Variants in GOLPH3 observed in about 807,000 individuals in gnomAD.
GOLPH3 encodes the protein coat protein GPP34.
GOLPH3 carries 14 observed loss-of-function variants against 28.5 expected under a neutral mutation model. The ratio of observed to expected loss-of-function variants is 0.49; its 90% CI spans 0.32 to 0.77. The LOEUF (loss-of-function observed/expected upper bound fraction) is 0.77. GOLPH3 is among the 30% of genes least tolerant of loss of function. The pLI is 0.03. For synonymous variants in GOLPH3, 158 were observed against 159.2 expected (o/e 0.99, Z 0.06); for missense variants, 350 against 393.7 (o/e 0.89, Z 0.94).
intron 3 of GOLPH3, chr5:32,134,838 C>T (rs537155609): frequency 6.6e-6 from 1 of 151,924 alleles, no homozygotes; most frequent in South Asian, 2.1e-4. Context: ...GTCCCCCAAC[C>T]CCTAAAAAAA....
intron 1 of GOLPH3, among the ~76,000 whole-genome samples, chr5:32,149,691 T>A (rs555772094): frequency 6.6e-6 from 1 of 152,282 alleles, no homozygotes; most frequent in South Asian, 2.1e-4. Context: ...TCTACAGATA[T>A]AAGAACTGTT....
rs138357767 is a variant in GOLPH3, at chr5:32,137,110, C to T, written c.358-1424G>A. Among the ~76,000 whole-genome samples, 546 of 151,772 alleles carry T rather than the reference C, an allele frequency of 3.6e-3. 2 individuals carry two copies. Among genetic ancestry groups the T allele is most frequent in the African/African-American group, 0.012 (515 of 41,380 alleles). On this transcript the variant is annotated intron_variant, in intron 2 of 3. Coordinates refer to ENST00000265070, the MANE Select transcript of GOLPH3 (RefSeq NM_022130.4). ...AAGTAGCTGGAATAACAGGTGTGTG[C>T]CACCACGCCTGGCTAATTTTGTATT...
chr5:32,151,389 G>A (rs1187071665), intron 1 of GOLPH3, among the ~76,000 whole-genome samples: 2 of 152,108 alleles, frequency 1.3e-5, no homozygotes, highest in African/African-American at 2.4e-5. Flanking sequence ...AGCTGGGTGC[G>A]ATAGCACATG....
chr5:32,162,559 C>T (rs969506621), intron 1 of GOLPH3, among the ~76,000 whole-genome samples: 1 of 151,600 alleles, frequency 6.6e-6, no homozygotes, highest in African/African-American at 2.4e-5. Context: ...TTGAGTAAAA[C>T]GTTCAGTAAG....
At chr5:32,144,926 T>G (rs182204249) in intron 1 of GOLPH3, among the ~76,000 whole-genome samples, 2 of 152,300 alleles carry the variant, frequency 1.3e-5, no homozygotes, top group African/African-American at 4.8e-5. Context: ...CCAGTTCTCA[T>G]GAGACAGCAG....
rs1746922922 is a variant in GOLPH3, at chr5:32,174,211, C to T, written c.-177G>A. The T allele has an allele frequency of 2.6e-6, 1 of 390,852 alleles. No individual in the cohort carries two copies. The highest frequency in any genetic ancestry group is 4.4e-6 in the Non-Finnish European group (1 of 225,672). 24.2% of individuals were successfully genotyped at this position (390,852 alleles called of 1,614,324 possible). A position where few individuals can be genotyped will look rare whatever the true frequency, so the allele number is the denominator to read the frequency against. On this transcript the variant is annotated 5_prime_UTR_variant, in exon 1 of 4. Transcript: ENST00000265070. ...AGGAAACAGGTCAGGGCGAAGCGGG[C>T]TGGCCGGGCGTCGGCGGGGCAGGAG...
chr5:32,140,435 G>T (rs757786022), intron 2 of GOLPH3, among the ~76,000 whole-genome samples: 6 of 151,868 alleles, frequency 4.0e-5, no homozygotes, highest in Non-Finnish European at 8.8e-5. Flanking sequence ...GGATCATTTG[G>T]GGTCAGGAGT....
At chr5:32,170,064 A>G (rs1052858495) in intron 1 of GOLPH3, among the ~76,000 whole-genome samples, 5 of 152,168 alleles carry the variant, frequency 3.3e-5, no homozygotes, top group African/African-American at 9.7e-5. Flanking sequence ...TTCAGCAAAA[A>G]AGAGAGGGAG....
Position 32,126,331 on chromosome 5 carries a change from G to C in GOLPH3, c.778C>G (p.Gln260Glu). The C allele has an allele frequency of 6.2e-7, 1 of 1,614,114 alleles. No individual in the cohort carries two copies. Among genetic ancestry groups the C allele is most frequent in the Non-Finnish European group, 8.5e-7 (1 of 1,180,016 alleles). The change falls in exon 4 of 4, where the codon CAG becomes GAG. Residue 260 changes from glutamine (Q) to glutamate (E), a missense_variant. Physicochemically the swap from Gln to Glu is conservative, Grantham distance 29. Coordinates refer to ENST00000265070, the MANE Select transcript of GOLPH3 (RefSeq NM_022130.4). Reference sequence around the variant, plus strand: ...ACTCTCTTGGTAGCCAAATCATACTGCTCGTCCAGAAGAGGAGCAAAAGCA... The same window carrying C: ...ACTCTCTTGGTAGCCAAATCATACTCCTCGTCCAGAAGAGGAGCAAAAGCA... ...ENAFAPLLDE[Q>E]YDLATKRVRQ...
chr5:32,134,224 G>A (rs1745884921), intron 3 of GOLPH3, among the ~76,000 whole-genome samples: 1 of 151,786 alleles, frequency 6.6e-6, no homozygotes. Flanking sequence ...TTTTTTTCTT[G>A]AGACGGGGTC....
rs539242361 is a variant in GOLPH3, at chr5:32,167,494, T to C, written c.225+6316A>G. ...GCCTTCAAAATACAATTCTAAAACG[T>C]AATTCAAATGCTCCATACAAGAACT... On this transcript the variant is annotated intron_variant, in intron 1 of 3. Transcript: ENST00000265070. Among the ~76,000 whole-genome samples, 22 of 152,188 alleles carry C rather than the reference T, an allele frequency of 1.4e-4. No individual in the cohort carries two copies. The South Asian group carries it at 4.6e-3, about 32-fold the overall frequency.
At chr5:32,137,359 T>TA (rs924772621) in intron 2 of GOLPH3, among the ~76,000 whole-genome samples, 62 of 152,054 alleles carry the variant, frequency 4.1e-4, no homozygotes, top group African/African-American at 1.4e-3. Flanking sequence ...AACTTTTTTT[T>TA]AAAAAAAGCT....
chr5:32,158,023 TACACACACACACACACACACAC>T lies in GOLPH3; in HGVS notation c.226-14165_226-14144del, dbSNP rs368465798. 8.6e-4 allele frequency among the ~76,000 whole-genome samples: 23 copies of T among 26,760 alleles called. 1 individual carries two copies. The highest frequency in any genetic ancestry group is 3.3e-3 in the Admixed American group (6 of 1,832). 17.6% of individuals were successfully genotyped at this position (26,760 alleles called of 152,430 possible). A position where few individuals can be genotyped will look rare whatever the true frequency, so the allele number is the denominator to read the frequency against. The stretch of plus-strand genomic sequence containing the variant: ...TAAATAAATAAATAAATAAATAAAA[TACACACACACACACACACACAC>T]ACACACACACACACACTGGGCAAAA... On this transcript the variant is annotated intron_variant, in intron 1 of 3. Coordinates refer to ENST00000265070, the MANE Select transcript of GOLPH3 (RefSeq NM_022130.4).
At position 32,125,330 on chromosome 5, in the gene GOLPH3, G is replaced by C. The variant is rs1745654118; in HGVS notation, c.*882C>G. On this transcript the variant is annotated 3_prime_UTR_variant, in exon 4 of 4. Transcript: ENST00000265070. ...TTTAAAAAAAATCTAACAAGGGGAT[G>C]CATAGGCAAAGAGTACCATAAATGG... 2.6e-5 allele frequency: 4 copies of C among 152,626 alleles called. No homozygotes were observed. The South Asian group carries it at 8.3e-4, about 32-fold the overall frequency. 9.5% of individuals were successfully genotyped at this position (152,626 alleles called of 1,614,324 possible).
chr5:32,137,113 C>T (rs998936013), intron 2 of GOLPH3, among the ~76,000 whole-genome samples: 3 of 151,724 alleles, frequency 2.0e-5, no homozygotes, highest in African/African-American at 4.8e-5. Context: ...GTGTGTGCCA[C>T]CACGCCTGGC....
At chr5:32,147,732 G>T (rs1211411421) in intron 1 of GOLPH3, among the ~76,000 whole-genome samples, 1 of 152,142 alleles carries the variant, frequency 6.6e-6, no homozygotes, top group Admixed American at 6.5e-5. Context: ...GATAGTGGCA[G>T]TAATTTGACA....
At chr5:32,162,058 A>T (rs1010966077) in intron 1 of GOLPH3, among the ~76,000 whole-genome samples, 3 of 151,168 alleles carry the variant, frequency 2.0e-5, no homozygotes, top group South Asian at 4.1e-4. Flanking sequence ...AAAAAATAAA[A>T]AAATAAAAAT....
At chr5:32,139,734 C>T (rs908018245) in intron 2 of GOLPH3, among the ~76,000 whole-genome samples, 5 of 151,838 alleles carry the variant, frequency 3.3e-5, no homozygotes, top group South Asian at 2.1e-4. Flanking sequence ...CAGACAATCA[C>T]GGATAACGTG....
At chr5:32,160,197 GA>G (rs957304453) in intron 1 of GOLPH3, among the ~76,000 whole-genome samples, 1 of 150,980 alleles carries the variant, frequency 6.6e-6, no homozygotes, top group South Asian at 2.1e-4. Context: ...AGACTCTGGG[GA>G]AAAAAAAATT....
Sources: gnomAD v4.1 joint callset for allele counts (sites outside exome capture counted in the v4.1 genomes callset) on GRCh38, gnomAD v4.1.1 for gene constraint, MANE v1.5 for transcripts, NCBI Gene and HGNC (gene_info 2026-07-23, HGNC 2026-07-21) for gene names.